The following ANKRD33B variants were observed in gnomAD, a reference collection of about 807,000 sequenced individuals.
The protein encoded by ANKRD33B is ankyrin repeat domain 33B.
ANKRD33B carries 6 observed loss-of-function variants against 21.5 expected under a neutral mutation model. The ratio of observed to expected loss-of-function variants is 0.28; its 90% CI spans 0.15 to 0.55. The LOEUF (loss-of-function observed/expected upper bound fraction) is 0.55, where lower values mean the gene tolerates loss of function less well. Ranked by LOEUF, ANKRD33B falls within the 20% of genes least tolerant of loss-of-function variation. The probability of loss-of-function intolerance (pLI) is 0.94; values close to 1 mark genes in which losing one functional copy is unlikely to be tolerated. For synonymous variants in ANKRD33B, 347 were observed against 342.4 expected (o/e 1.01, Z -0.15); for missense variants, 698 against 747.2 (o/e 0.93, Z 0.77).
In ANKRD33B at chr5:10,650,078, G is replaced by A. The variant is rs1030556802; in HGVS notation, c.1450G>A (p.Glu484Lys). 2.2e-5 allele frequency: 34 copies of A among 1,529,518 alleles called. No homozygotes were observed. Among genetic ancestry groups the A allele is most frequent in the Non-Finnish European group, 2.7e-5 (31 of 1,143,034 alleles). 94.7% of individuals were successfully genotyped at this position (1,529,518 alleles called of 1,614,324 possible). ...GAAGCGCCAGGCCGAGGCGCAGAAG[G>A]AGAGGCGCACTGCGCCCTGGAAGAA... ...EKKRQAEAQK[E>K]RRTAPWKKRT Residue 484 changes from glutamate (E) to lysine (K), a missense_variant, in exon 4 of 4, where the codon GAG becomes AAG. Transcript: ENST00000296657.
intron 3 of ANKRD33B, among the ~76,000 whole-genome samples, chr5:10,638,885 G>A (rs200925656): frequency 0.34 from 40,237 of 116,910 alleles, 8,767 homozygotes; most frequent in Middle Eastern, 0.5. Context: ...TAATGTTAGC[G>A]GGTGACGTGG....
At chr5:10,647,822 A>G (rs944500069) in intron 3 of ANKRD33B, among the ~76,000 whole-genome samples, 5 of 152,210 alleles carry the variant, frequency 3.3e-5, no homozygotes, top group Admixed American at 3.3e-4. Context: ...AATGCCCTCA[A>G]CTAATTGGGC....
At position 10,646,085 on chromosome 5, in the gene ANKRD33B, C is replaced by T. The variant is rs75951619; in HGVS notation, c.638-3181C>T. ...TTCAGAAGTCCTGGGTTAGACTGAT[C>T]GTGATGCATTGCCAAGAACTGAGGA... On this transcript the variant is annotated intron_variant, in intron 3 of 3. Coordinates refer to ENST00000296657, the MANE Select transcript of ANKRD33B (RefSeq NM_001164440.2). Among the ~76,000 whole-genome samples the T allele has an allele frequency of 5.1e-4, 77 of 152,264 alleles. No individual in the cohort carries two copies. In the East Asian group the frequency reaches 0.013, roughly 27 times the overall value.
chr5:10,570,968 A>T (rs995942674), intron 1 of ANKRD33B, among the ~76,000 whole-genome samples: 3 of 141,782 alleles, frequency 2.1e-5, no homozygotes, highest in African/African-American at 8.2e-5. Context: ...TTTAGTTTTT[A>T]AAAAAATTCC....
chr5:10,619,809 C>T lies in ANKRD33B; in HGVS notation c.496+1347C>T, dbSNP rs1041717403. ...AGGATACAGAAGTGCAGGGCAGCCC[C>T]GTCCTTGAGTAATTCTGCAGCTCAT... On this transcript the variant is annotated intron_variant, in intron 2 of 3. Transcript: ENST00000296657. The surrounding 1 kb of genome is among the most constrained non-coding windows in gnomAD (Gnocchi z 4.5). Among the ~76,000 whole-genome samples the T allele has an allele frequency of 2.6e-5, 4 of 152,146 alleles. No individual in the cohort carries two copies. The highest frequency in any genetic ancestry group is 3.2e-3 in the Middle Eastern group (1 of 316).
chr5:10,612,000 G>T lies in ANKRD33B; in HGVS notation c.367-6333G>T, dbSNP rs558733823. 1.2e-3 allele frequency among the ~76,000 whole-genome samples: 184 copies of T among 152,278 alleles called. 2 individuals are homozygous for T. The highest frequency in any genetic ancestry group is 4.4e-3 in the African/African-American group (182 of 41,552). ...TGCCTTACTGGGGCCTCCCTCTCAT[G>T]CTCTTTCATTCTGTTTAGGCCCAGG... On this transcript the variant is annotated intron_variant, in intron 1 of 3. Transcript: ENST00000296657.
At chr5:10,599,470 C>G (rs532502106) in intron 1 of ANKRD33B, among the ~76,000 whole-genome samples, 2 of 152,188 alleles carry the variant, frequency 1.3e-5, no homozygotes, top group African/African-American at 2.4e-5. Flanking sequence ...CCCTCTCCCC[C>G]CAGTCCCTCT....
intron 1 of ANKRD33B, among the ~76,000 whole-genome samples, chr5:10,585,441 G>A (rs765771378): frequency 2.6e-5 from 4 of 152,156 alleles, no homozygotes; most frequent in Non-Finnish European, 2.9e-5. Context: ...GTCTGACTTC[G>A]AGTCTCCACA....
At chr5:10,601,203 C>T (rs955995742) in intron 1 of ANKRD33B, among the ~76,000 whole-genome samples, 1 of 152,086 alleles carries the variant, frequency 6.6e-6, no homozygotes, top group African/African-American at 2.4e-5. Flanking sequence ...CCTCCCACAC[C>T]AGCTCCCACC....
chr5:10,583,852 TTTG>T (rs1023766915), intron 1 of ANKRD33B, among the ~76,000 whole-genome samples: 9 of 152,236 alleles, frequency 5.9e-5, no homozygotes, highest in Non-Finnish European at 1.2e-4. Context: ...ATTTGGAGTG[TTTG>T]TTGTTGTTTG....
At chr5:10,591,131 A>G (rs573742049) in intron 1 of ANKRD33B, among the ~76,000 whole-genome samples, 41 of 146,816 alleles carry the variant, frequency 2.8e-4, no homozygotes, top group Admixed American at 1.6e-3. Context: ...GCCTTGCTCT[A>G]TTGCTTCAAA....
At chr5:10,569,682 C>T (rs1471589029) in intron 1 of ANKRD33B, among the ~76,000 whole-genome samples, 2 of 152,016 alleles carry the variant, frequency 1.3e-5, no homozygotes, top group Non-Finnish European at 1.5e-5. Flanking sequence ...TGTGAGAAAG[C>T]GGGTGAGGAG....
In ANKRD33B at chr5:10,576,520, TGATCTTTAGTTTCCTTTA is replaced by T. The variant is rs1735325103; in HGVS notation, c.366+11691_366+11708del. Among the ~76,000 whole-genome samples, 1 of 152,230 alleles carries T rather than the reference TGATCTTTAGTTTCCTTTA, an allele frequency of 6.6e-6. No homozygotes were observed. Among genetic ancestry groups the T allele is most frequent in the Non-Finnish European group, 1.5e-5 (1 of 68,036 alleles). The stretch of plus-strand genomic sequence containing the variant: ...ATCCTGGACAAGTCCCATGATCTTT[TGATCTTTAGTTTCCTTTA>T]GATACCCATCTAGAAACTGGGAGGC... On this transcript the variant is annotated intron_variant, in intron 1 of 3. Coordinates refer to ENST00000296657, the MANE Select transcript of ANKRD33B (RefSeq NM_001164440.2). The surrounding 1 kb of genome is among the most constrained non-coding windows in gnomAD (Gnocchi z 4.1).
chr5:10,605,026 G>C (rs1024585126), intron 1 of ANKRD33B, among the ~76,000 whole-genome samples: 1 of 152,232 alleles, frequency 6.6e-6, no homozygotes, highest in Non-Finnish European at 1.5e-5. Flanking sequence ...TTGTCTGAAG[G>C]CTTGACTGAG....
rs1737301094 is a variant in ANKRD33B, at chr5:10,649,994, C to A, written c.1366C>A (p.Pro456Thr). ...STKDSGHLQI[P>T]KWRYKEAKEE... Reference sequence around the variant, plus strand: ...CAAGGACAGCGGCCACCTGCAGATCCCCAAGTGGCGGTACAAGGAGGCCAA... The same window carrying A: ...CAAGGACAGCGGCCACCTGCAGATCACCAAGTGGCGGTACAAGGAGGCCAA... Residue 456 changes from proline to threonine, a missense_variant, in exon 4 of 4, where the codon CCC becomes ACC. Around this residue, in one of 3 missense-constraint regions of ANKRD33B, gnomAD observed 543 missense variants for 566.5 expected, o/e 0.96. Coordinates refer to ENST00000296657, the MANE Select transcript of ANKRD33B (RefSeq NM_001164440.2). The A allele has an allele frequency of 6.5e-7, 1 of 1,533,636 alleles. No individual in the cohort carries two copies. Among genetic ancestry groups the A allele is most frequent in the Non-Finnish European group, 8.7e-7 (1 of 1,144,918 alleles).
rs1035972559 is a variant in ANKRD33B, at chr5:10,649,188, C to G, written c.638-78C>G. 5.5e-6 allele frequency: 8 copies of G among 1,452,432 alleles called. No individual in the cohort carries two copies. In the African/African-American group the frequency reaches 1.1e-4, roughly 21 times the overall value. The allele number at this position is 1,452,432 out of a possible 1,614,324, so 90.0% of individuals were successfully genotyped here. On this transcript the variant is annotated intron_variant, in intron 3 of 3. Coordinates refer to ENST00000296657, the MANE Select transcript of ANKRD33B (RefSeq NM_001164440.2). ...GGGTGGGGGGTGGGGGCAGTTTTGC[C>G]TTTGCCCCAGGCTCTGCCTGGGAGG...
At chr5:10,623,907 A>C (rs892688953) in intron 2 of ANKRD33B, among the ~76,000 whole-genome samples, 1 of 152,020 alleles carries the variant, frequency 6.6e-6, no homozygotes, top group Non-Finnish European at 1.5e-5. Flanking sequence ...AATACAATAC[A>C]CAGTGTTTGG....
intron 2 of ANKRD33B, among the ~76,000 whole-genome samples, chr5:10,637,425 G>GACACACACAC (rs59222148): frequency 0.12 from 12,039 of 100,222 alleles, 978 homozygotes; most frequent in East Asian, 0.14. Flanking sequence ...TAGGTAGTTA[G>GACACACACAC]ACACACACAC....
Position 10,619,199 on chromosome 5 carries a change from A to G in ANKRD33B, c.496+737A>G. ...CCCCTTTCACATTTCTTTGCCTCCA[A>G]AGATTCTGTCTGTTTCATCGGTCAA... On this transcript the variant is annotated intron_variant, in intron 2 of 3. Transcript: ENST00000296657. This position sits in a 1 kb window ranked among gnomAD's most constrained non-coding sequence, Gnocchi z 4.5. 1 of 623,080 alleles carries G rather than the reference A, an allele frequency of 1.6e-6. No individual in the cohort carries two copies. The highest frequency in any genetic ancestry group is 2.0e-6 in the Non-Finnish European group (1 of 499,308). The allele number at this position is 623,080 out of a possible 1,614,324, so 38.6% of individuals were successfully genotyped here.
Sources: gnomAD v4.1 joint callset for allele counts (sites outside exome capture counted in the v4.1 genomes callset) on GRCh38, gnomAD v4.1.1 for gene constraint, gnomAD v4.1.1 regional missense constraint, Gnocchi (gnomAD v3.1) non-coding constraint, MANE v1.5 for transcripts, NCBI Gene and HGNC (gene_info 2026-07-23, HGNC 2026-07-21) for gene names.